ODR4: variants seen among roughly 807,000 people sequenced by gnomAD.
The protein encoded by ODR4 is odr-4 GPCR localization factor homolog.
ODR4 carries 47 observed loss-of-function variants against 60.2 expected under a neutral mutation model. The observed-to-expected ratio is 0.78, with a 90% confidence interval of 0.62 to 1.00. ODR4 has a LOEUF of 1.00. Among genes scored for constraint, ODR4 ranks in the 50% least tolerant of loss-of-function variants. The probability of loss-of-function intolerance (pLI) is 0.00; values close to 1 mark genes in which losing one functional copy is unlikely to be tolerated. For missense variants in ODR4, 488 were observed against 530.8 expected (o/e 0.92, Z 0.79); for synonymous variants, 178 against 175.5 (o/e 1.01, Z -0.11).
chr1:186,406,792 G>A (rs934154928), intron 12 of ODR4, among the ~76,000 whole-genome samples: 11 of 151,780 alleles, frequency 7.2e-5, no homozygotes, highest in Non-Finnish European at 1.3e-4. Context: ...TTACTATCCA[G>A]GTTTTGTAAC....
rs757645586 is a variant in ODR4 at position 186,406,143 on chromosome 1, C to G, written c.1061C>G (p.Thr354Ser). ...YRVFVPLPGS[T>S]VMLCDYKFDD... ...GTCTTTGTTCCCCTTCCTGGATCCA[C>G]TGTAATGTTGTGTGATTATAAATTT... Residue 354 changes from threonine to serine, a missense_variant, in exon 12 of 14, where the codon ACT becomes AGT. Transcript: ENST00000287859. 1.7e-4 allele frequency: 271 copies of G among 1,611,114 alleles called. 1 individual carries two copies. The highest frequency in any genetic ancestry group is 2.3e-4 in the Non-Finnish European group (269 of 1,178,650).
In ODR4 at chr1:186,391,783, G is replaced by T. The variant is rs1390871281; in HGVS notation, c.703G>T (p.Glu235Ter). Residue 235 changes from glutamate to a stop codon, truncating the protein, a stop_gained, in exon 8 of 14, where the codon GAA (glutamate) becomes TAA (stop). Coordinates refer to ENST00000287859, the MANE Select transcript of ODR4 (RefSeq NM_017847.6). LOFTEE classifies it high-confidence loss of function. ...QVKDEDCDLL[E>*]GQKKSSRGNT... ...TAAAGATGAAGATTGTGACCTATTA[G>T]AAGGACAGGTAAGTTAAGAGAAAAT... is the stretch of plus-strand genomic sequence containing the variant. The T allele has an allele frequency of 1.3e-6, 2 of 1,568,012 alleles. No individual in the cohort carries two copies. Among genetic ancestry groups the T allele is most frequent in the Non-Finnish European group, 1.7e-6 (2 of 1,143,718 alleles).
the ODR4 span, among the ~76,000 whole-genome samples, chr1:186,428,432 T>C: frequency 2.0e-5 from 3 of 152,236 alleles, no homozygotes; most frequent in African/African-American, 7.2e-5. Flanking sequence ...AGTTAGGGCC[T>C]TGCTCTGGAC....
At chr1:186,401,108 C>A (rs1315410331) in intron 11 of ODR4, 1 of 1,593,996 alleles carries the variant, frequency 6.3e-7, no homozygotes. Flanking sequence ...GTATACTCTT[C>A]TATTTAAAAA....
intron 4 of ODR4, 120 bp downstream of exon 4, chr1:186,386,203 G>C (rs1295519531): frequency 3.7e-6 from 2 of 547,838 alleles, no homozygotes; most frequent in African/African-American, 4.0e-5. Context: ...CTTTTTGTTG[G>C]GGTTACATTG....
At chr1:186,391,891 C>T in intron 8 of ODR4, 100 bp downstream of exon 8, 1 of 707,604 alleles carries the variant, frequency 1.4e-6, no homozygotes, top group Non-Finnish European at 2.4e-6. Flanking sequence ...CTGATTTCAT[C>T]TACCTCTCAT....
chr1:186,392,755 C>T (rs1338312342), intron 8 of ODR4, among the ~76,000 whole-genome samples: 1 of 152,150 alleles, frequency 6.6e-6, no homozygotes, highest in Non-Finnish European at 1.5e-5. Context: ...GTAATCCCAG[C>T]ACTTTGAGGG....
At chr1:186,381,293 A>G (rs1660009973) in intron 2 of ODR4, among the ~76,000 whole-genome samples, 1 of 151,886 alleles carries the variant, frequency 6.6e-6, no homozygotes, top group African/African-American at 2.4e-5. Context: ...GCAAACTGCC[A>G]TCTTACAAAT....
chr1:186,433,842 G>A, the ODR4 span, among the ~76,000 whole-genome samples: 1 of 152,170 alleles, frequency 6.6e-6, no homozygotes, highest in East Asian at 1.9e-4. Flanking sequence ...GCCTCCCAAA[G>A]TGCTGGGATT....
downstream of ODR4, among the ~76,000 whole-genome samples, chr1:186,422,452 A>C (rs1661809751): frequency 6.6e-6 from 1 of 152,182 alleles, no homozygotes; most frequent in Admixed American, 6.5e-5. Flanking sequence ...TGATTCAATA[A>C]ACATTTAGAA....
chr1:186,386,417 T>A (rs1660252927), intron 4 of ODR4, among the ~76,000 whole-genome samples: 1 of 152,200 alleles, frequency 6.6e-6, no homozygotes, highest in South Asian at 2.1e-4. Flanking sequence ...GTTAAAAAGT[T>A]AAATTATTTA....
chr1:186,405,269 C>T (rs1351910976), intron 11 of ODR4, among the ~76,000 whole-genome samples: 1 of 152,034 alleles, frequency 6.6e-6, no homozygotes, highest in Non-Finnish European at 1.5e-5. Context: ...AAGGGGGCTA[C>T]ATCTAGTAAG....
chr1:186,401,692 A>G (rs951590249), intron 11 of ODR4, among the ~76,000 whole-genome samples: 2 of 150,260 alleles, frequency 1.3e-5, no homozygotes, highest in African/African-American at 4.9e-5. Flanking sequence ...TCATCCTTGA[A>G]TCTCTGGAGT....
At chr1:186,423,860 G>T (rs1222756354), downstream of ODR4, among the ~76,000 whole-genome samples, 1 of 152,148 alleles carries the variant, frequency 6.6e-6, no homozygotes, top group East Asian at 1.9e-4. Context: ...CCTTGTAAGT[G>T]ATTGGCTAAT....
chr1:186,392,028 G>GA (rs893427896), intron 8 of ODR4, among the ~76,000 whole-genome samples: 4 of 151,718 alleles, frequency 2.6e-5, no homozygotes, highest in Non-Finnish European at 4.4e-5. Flanking sequence ...AGAATCGTAT[G>GA]AAAAAAAACT....
chr1:186,427,407 A>C, the ODR4 span, among the ~76,000 whole-genome samples: 6 of 152,188 alleles, frequency 3.9e-5, no homozygotes, highest in Non-Finnish European at 8.8e-5. Flanking sequence ...TTATTTGCTC[A>C]TCCTTAAGAA....
At chr1:186,408,666 C>T (rs1661261896) in intron 12 of ODR4, among the ~76,000 whole-genome samples, 1 of 149,688 alleles carries the variant, frequency 6.7e-6, no homozygotes, top group Non-Finnish European at 1.5e-5. Context: ...AAACAATATA[C>T]AAAAATGTAT....
intron 11 of ODR4, 135 bp downstream of exon 11, chr1:186,399,179 G>A (rs1284685624): frequency 8.4e-6 from 6 of 716,170 alleles, no homozygotes; most frequent in Non-Finnish European, 1.5e-5. Context: ...TTTATTATTG[G>A]ATGAAAATTT....
chr1:186,393,011 AAAAG>A (rs1196388870), intron 8 of ODR4, among the ~76,000 whole-genome samples: 117 of 152,300 alleles, frequency 7.7e-4, no homozygotes, highest in African/African-American at 2.7e-3. Flanking sequence ...ATTTCAAAAT[AAAAG>A]AAAAGGAAAA....
Sources: gnomAD v4.1 joint callset for allele counts (sites outside exome capture counted in the v4.1 genomes callset) on GRCh38, gnomAD v4.1.1 for gene constraint, MANE v1.5 for transcripts, NCBI Gene and HGNC (gene_info 2026-07-23, HGNC 2026-07-21) for gene names.